Variants in GLIS3 observed in about 807,000 individuals in gnomAD.
The protein encoded by GLIS3 is zinc finger protein GLIS3.
In GLIS3, 53 loss-of-function variants were observed where a neutral mutation model predicts 78.6. The observed-to-expected ratio is 0.67, with a 90% confidence interval of 0.54 to 0.85. The LOEUF (loss-of-function observed/expected upper bound fraction) is 0.85. Among genes scored for constraint, GLIS3 ranks in the 40% least tolerant of loss-of-function variants. The pLI is 0.00. For synonymous variants in GLIS3, 684 were observed against 509.9 expected (o/e 1.34, Z -4.60); for missense variants, 1,703 against 1,231.1 (o/e 1.38, Z -5.74).
chr9:4,136,734 T>G (rs964454078), intron 2 of GLIS3, among the ~76,000 whole-genome samples: 1 of 152,126 alleles, frequency 6.6e-6, no homozygotes, highest in Admixed American at 6.5e-5. Context: ...GAAACAAAGA[T>G]GAGCTAGGGC....
At chr9:4,144,434 G>A (rs946206979) in intron 2 of GLIS3, among the ~76,000 whole-genome samples, 2 of 152,174 alleles carry the variant, frequency 1.3e-5, no homozygotes, top group African/African-American at 4.8e-5. Flanking sequence ...AAAGTTGTCA[G>A]GTTTCTCGTT....
intron 4 of GLIS3, among the ~76,000 whole-genome samples, chr9:4,111,743 G>C (rs1263499885): frequency 3.3e-5 from 5 of 152,126 alleles, no homozygotes; most frequent in Non-Finnish European, 7.4e-5. Context: ...CTTAAGATTT[G>C]GTTTTATTTT....
At chr9:4,265,600 T>A (rs1022844558) in intron 2 of GLIS3, among the ~76,000 whole-genome samples, 5 of 152,172 alleles carry the variant, frequency 3.3e-5, no homozygotes, top group African/African-American at 1.2e-4. Context: ...AAAAATGTTG[T>A]CACCTGTGTT....
the GLIS3 span, among the ~76,000 whole-genome samples, chr9:4,426,944 C>G: frequency 6.6e-6 from 1 of 152,162 alleles, no homozygotes; most frequent in Admixed American, 6.5e-5. Context: ...TTGCCCACAC[C>G]CATTACAGTT....
intron 2 of GLIS3, among the ~76,000 whole-genome samples, chr9:4,207,233 C>T (rs1363309276): frequency 6.6e-6 from 1 of 152,198 alleles, no homozygotes; most frequent in Non-Finnish European, 1.5e-5. Flanking sequence ...CTGCCCCCTT[C>T]GTCCCCACAC....
intron 7 of GLIS3, among the ~76,000 whole-genome samples, chr9:3,888,496 C>T (rs1822223336): frequency 6.6e-6 from 1 of 152,186 alleles, no homozygotes; most frequent in Non-Finnish European, 1.5e-5. Flanking sequence ...GATGACCTAT[C>T]AATCAACTCT....
At chr9:4,283,022 T>C (rs1271106186) in intron 2 of GLIS3, among the ~76,000 whole-genome samples, 1 of 151,868 alleles carries the variant, frequency 6.6e-6, no homozygotes, top group African/African-American at 2.4e-5. Flanking sequence ...AAGTTTTGAG[T>C]GCATTTTTCT....
intron 8 of GLIS3, among the ~76,000 whole-genome samples, chr9:3,867,049 GTGTT>G (rs1051166715): frequency 1.3e-5 from 2 of 152,306 alleles, no homozygotes; most frequent in East Asian, 1.9e-4. Context: ...AGATGTGAGA[GTGTT>G]TGGGAAAAGG....
intron 4 of GLIS3, among the ~76,000 whole-genome samples, chr9:3,955,142 A>G (rs1306182424): frequency 6.6e-6 from 1 of 152,198 alleles, no homozygotes; most frequent in Non-Finnish European, 1.5e-5. Flanking sequence ...ACAGAGCCGT[A>G]AATCAGAGAG....
intron 2 of GLIS3, among the ~76,000 whole-genome samples, chr9:4,276,673 T>C (rs1827062017): frequency 6.6e-6 from 1 of 152,164 alleles, no homozygotes; most frequent in South Asian, 2.1e-4. Context: ...TAGATTCTTT[T>C]AAAGATGTAA....
chr9:3,856,842 C>T (rs1047904707), intron 8 of GLIS3, among the ~76,000 whole-genome samples: 2 of 152,078 alleles, frequency 1.3e-5, no homozygotes, highest in Non-Finnish European at 2.9e-5. Flanking sequence ...GAGTCACATG[C>T]GCCAATCACA....
At chr9:4,375,834 G>C in the GLIS3 span, among the ~76,000 whole-genome samples, 1 of 152,040 alleles carries the variant, frequency 6.6e-6, no homozygotes, top group Non-Finnish European at 1.5e-5. Flanking sequence ...TGAGTCTTTA[G>C]CTCTCCTGTC....
chr9:4,442,050 G>C, the GLIS3 span, among the ~76,000 whole-genome samples: 1,646 of 152,246 alleles, frequency 0.011, 29 homozygotes, highest in African/African-American at 0.037. Context: ...TTAAACGTTT[G>C]GTAGAATTCA....
intron 2 of GLIS3, among the ~76,000 whole-genome samples, chr9:4,240,394 C>G (rs116870428): frequency 0.024 from 3,682 of 152,308 alleles, 63 homozygotes; most frequent in Middle Eastern, 0.054. Flanking sequence ...ACCCACCACT[C>G]ACCTCCTGCT....
Position 3,863,433 on chromosome 9 carries a change from G to C in GLIS3, c.2298-7249C>G, listed in dbSNP as rs565325868. Among the ~76,000 whole-genome samples, 195 of 151,890 alleles carry C rather than the reference G, an allele frequency of 1.3e-3. 1 individual carries two copies. The highest frequency in any genetic ancestry group is 2.3e-3 in the South Asian group (11 of 4,824). ...GGGTAATTGCAACACTGTCCACTGG[G>C]GCAGGACTGGGGCAGGGCAAGAGCT... On this transcript the variant is annotated intron_variant, in intron 8 of 10. Transcript: ENST00000381971.
chr9:3,970,610 T>C (rs1818309000), intron 4 of GLIS3, among the ~76,000 whole-genome samples: 1 of 152,178 alleles, frequency 6.6e-6, no homozygotes, highest in Non-Finnish European at 1.5e-5. Flanking sequence ...CAAAGAACTA[T>C]CTGGCTGAAA....
intron 4 of GLIS3, among the ~76,000 whole-genome samples, chr9:4,112,088 G>A (rs1831260045): frequency 6.6e-6 from 1 of 152,132 alleles, no homozygotes; most frequent in African/African-American, 2.4e-5. Flanking sequence ...GGAACAGGGT[G>A]ACAAATTTGT....
chr9:4,122,048 G>A (rs1832234345), intron 3 of GLIS3, among the ~76,000 whole-genome samples: 1 of 152,150 alleles, frequency 6.6e-6, no homozygotes, highest in Non-Finnish European at 1.5e-5. Context: ...GGAACTATAT[G>A]TAAAAGGAAA....
At chr9:4,243,450 G>A (rs758209789) in intron 2 of GLIS3, among the ~76,000 whole-genome samples, 1 of 152,026 alleles carries the variant, frequency 6.6e-6, no homozygotes, top group Non-Finnish European at 1.5e-5. Flanking sequence ...TACACATTTA[G>A]TACTAACACC....
Sources: gnomAD v4.1 joint callset for allele counts (sites outside exome capture counted in the v4.1 genomes callset) on GRCh38, gnomAD v4.1.1 for gene constraint, MANE v1.5 for transcripts, NCBI Gene and HGNC (gene_info 2026-07-23, HGNC 2026-07-21) for gene names.